KCNAB1: variants seen among roughly 807,000 people sequenced by gnomAD.
The protein encoded by KCNAB1 is potassium voltage-gated channel subfamily A regulatory beta subunit 1.
A neutral mutation model predicts 64.6 loss-of-function variants in KCNAB1; 35 were observed. The observed-to-expected ratio is 0.54, with a 90% confidence interval of 0.41 to 0.72. The LOEUF (loss-of-function observed/expected upper bound fraction) is 0.72, where lower values mean the gene tolerates loss of function less well. KCNAB1 is among the 30% of genes least tolerant of loss of function. The pLI is 0.00. For missense variants in KCNAB1, 401 were observed against 512.9 expected (o/e 0.78, Z 2.11); for synonymous variants, 177 against 183.8 (o/e 0.96, Z 0.30).
At chr3:156,118,697 C>T (rs1037444529), upstream of KCNAB1, among the ~76,000 whole-genome samples, 16 of 152,220 alleles carry the variant, frequency 1.1e-4, no homozygotes, top group Non-Finnish European at 4.4e-5. Flanking sequence ...TTAAACACAA[C>T]AGCACTGCAA....
intron 1 of KCNAB1, among the ~76,000 whole-genome samples, chr3:156,213,165 T>C (rs1715116977): frequency 6.6e-6 from 1 of 151,774 alleles, no homozygotes; most frequent in Admixed American, 6.6e-5. Flanking sequence ...GTGCCAGTAT[T>C]CTCTTAGTTA....
chr3:156,317,221 A>G (rs1722329820), intron 1 of KCNAB1, among the ~76,000 whole-genome samples: 1 of 152,210 alleles, frequency 6.6e-6, no homozygotes, highest in South Asian at 2.1e-4. Context: ...TTCTAGACAT[A>G]TCCACAGGAC....
chr3:156,302,023 T>A (rs1393531793), intron 1 of KCNAB1, among the ~76,000 whole-genome samples: 1 of 152,220 alleles, frequency 6.6e-6, no homozygotes, highest in Non-Finnish European at 1.5e-5. Flanking sequence ...AGTCTAAATT[T>A]AAAGTGTCAG....
At chr3:156,446,643 A>G (rs544319782) in intron 2 of KCNAB1, 1 of 152,274 alleles carries the variant, frequency 6.6e-6, no homozygotes, top group Admixed American at 6.5e-5. Context: ...GTTCTCCTAG[A>G]GGTTTCACCT....
At chr3:156,300,927 C>T (rs1369819275) in intron 1 of KCNAB1, among the ~76,000 whole-genome samples, 1 of 152,092 alleles carries the variant, frequency 6.6e-6, no homozygotes, top group Non-Finnish European at 1.5e-5. Context: ...TTATTTTTAA[C>T]ATAGGAGGTT....
chr3:156,138,479 G>T (rs1466079500), intron 1 of KCNAB1, among the ~76,000 whole-genome samples: 1 of 152,162 alleles, frequency 6.6e-6, no homozygotes, highest in East Asian at 1.9e-4. Flanking sequence ...GATGTTCTTG[G>T]ATGACTGCGA....
intron 1 of KCNAB1, among the ~76,000 whole-genome samples, chr3:156,345,433 G>T (rs1258212630): frequency 6.6e-6 from 1 of 152,178 alleles, no homozygotes; most frequent in Non-Finnish European, 1.5e-5. Context: ...CTATCTCCGA[G>T]GTTAACATTG....
intron 1 of KCNAB1, among the ~76,000 whole-genome samples, chr3:156,156,127 A>G (rs1410303018): frequency 1.3e-5 from 2 of 152,292 alleles, no homozygotes; most frequent in East Asian, 1.9e-4. Context: ...TACTTAGCCT[A>G]GACTATCTCG....
At chr3:156,397,129 A>G (rs879545429) in intron 1 of KCNAB1, among the ~76,000 whole-genome samples, 17 of 152,230 alleles carry the variant, frequency 1.1e-4, no homozygotes, top group Admixed American at 1.0e-3. Context: ...TCTATAAAGT[A>G]TTTGAGAACT....
chr3:156,348,583 T>C (rs893244830), intron 1 of KCNAB1, among the ~76,000 whole-genome samples: 3 of 152,142 alleles, frequency 2.0e-5, no homozygotes, highest in Non-Finnish European at 4.4e-5. Flanking sequence ...TTTAGACATG[T>C]AAGGTTTGAG....
At position 156,188,000 on chromosome 3, in the gene KCNAB1, G is replaced by A. The variant is rs150711674; in HGVS notation, c.275+67114G>A. ...AAACATTTGTCTCCAAAATGTACAG[G>A]CAATATGGGACCCTTGGTGGGCAGA... is the stretch of plus-strand genomic sequence containing the variant. On this transcript the variant is annotated intron_variant, in intron 1 of 13. Coordinates refer to ENST00000490337, the MANE Select transcript of KCNAB1 (RefSeq NM_172160.3). 9.0e-3 allele frequency among the ~76,000 whole-genome samples: 1,368 copies of A among 152,220 alleles called. 33 individuals are homozygous for A. Among genetic ancestry groups the A allele is most frequent in the African/African-American group, 0.031 (1,267 of 41,510 alleles).
At chr3:156,489,034 AG>A (rs1715431335) in intron 8 of KCNAB1, among the ~76,000 whole-genome samples, 1 of 152,104 alleles carries the variant, frequency 6.6e-6, no homozygotes, top group Non-Finnish European at 1.5e-5. Context: ...GGGGAAGCTC[AG>A]GGGTTTGAGT....
At chr3:156,287,170 A>G (rs904898582) in intron 1 of KCNAB1, among the ~76,000 whole-genome samples, 6 of 152,108 alleles carry the variant, frequency 3.9e-5, no homozygotes, top group Non-Finnish European at 8.8e-5. Flanking sequence ...GGGCACTGGC[A>G]TAGGAGTTAT....
chr3:156,518,733 T>A (rs1473491625), intron 11 of KCNAB1, among the ~76,000 whole-genome samples: 1 of 152,190 alleles, frequency 6.6e-6, no homozygotes, highest in Non-Finnish European at 1.5e-5. Context: ...AGTAACACTC[T>A]TTTTCTGGAT....
chr3:156,125,264 T>G (rs74890059), intron 1 of KCNAB1, among the ~76,000 whole-genome samples: 8 of 152,106 alleles, frequency 5.3e-5, no homozygotes, highest in Admixed American at 1.3e-4. Flanking sequence ...ACACGGTGTA[T>G]TTAAGGCCTA....
intron 1 of KCNAB1, among the ~76,000 whole-genome samples, chr3:156,367,465 G>C (rs1576780836): frequency 6.6e-6 from 1 of 152,034 alleles, no homozygotes; most frequent in Admixed American, 6.6e-5. Flanking sequence ...ACAGGCTTGA[G>C]CCACTGTTCC....
chr3:156,324,192 A>G (rs574957335), intron 1 of KCNAB1, among the ~76,000 whole-genome samples: 4 of 152,302 alleles, frequency 2.6e-5, no homozygotes, highest in South Asian at 2.1e-4. Context: ...AAGCCCTGCT[A>G]TATCAGCATC....
At chr3:156,437,838 C>T (rs1319231204) in intron 2 of KCNAB1, among the ~76,000 whole-genome samples, 2 of 152,134 alleles carry the variant, frequency 1.3e-5, no homozygotes, top group Non-Finnish European at 2.9e-5. Flanking sequence ...CACCTTCAAC[C>T]TTCCAAATTT....
intron 1 of KCNAB1, among the ~76,000 whole-genome samples, chr3:156,233,820 T>C (rs1049883482): frequency 5.3e-5 from 8 of 152,034 alleles, no homozygotes; most frequent in Non-Finnish European, 8.8e-5. Context: ...GTGTCAAGGA[T>C]GGCTGCAGCG....
Sources: allele counts gnomAD v4.1 joint callset (sites outside exome capture counted in the v4.1 genomes callset), GRCh38; gene constraint gnomAD v4.1.1; transcripts MANE v1.5; gene names NCBI Gene and HGNC (gene_info 2026-07-23, HGNC 2026-07-21).